DNAI4: variants seen among roughly 807,000 people sequenced by gnomAD.
The protein encoded by DNAI4 is dynein axonemal intermediate chain 4.
In DNAI4, 85 loss-of-function variants were observed where a neutral mutation model predicts 105.8. The observed-to-expected ratio is 0.80, with a 90% CI of 0.67 to 0.96. DNAI4 has a LOEUF of 0.96. Among genes scored for constraint, DNAI4 ranks in the 40% least tolerant of loss-of-function variants. The pLI is 0.00. For synonymous variants in DNAI4, 352 were observed against 331.5 expected (o/e 1.06, Z -0.67); for missense variants, 1,014 against 1,005.6 (o/e 1.01, Z -0.11).
At chr1:66,879,084 G>C (rs1647014737) in intron 4 of DNAI4, among the ~76,000 whole-genome samples, 1 of 152,104 alleles carries the variant, frequency 6.6e-6, no homozygotes, top group South Asian at 2.1e-4. Flanking sequence ...AATATTCTTT[G>C]GGTTTTAGTA....
chr1:66,912,191 A>G (rs1649706574), intron 1 of DNAI4, among the ~76,000 whole-genome samples: 1 of 152,172 alleles, frequency 6.6e-6, no homozygotes, highest in African/African-American at 2.4e-5. Flanking sequence ...CAGAAACTCA[A>G]AAGAATGAAG....
At chr1:66,921,497 T>C (rs1313055347) in intron 1 of DNAI4, 2 of 152,222 alleles carry the variant, frequency 1.3e-5, no homozygotes, top group African/African-American at 4.8e-5. Context: ...ACATGGCTAC[T>C]GCAAAAAGTG....
chr1:66,892,950 G>GA (rs1553227435), intron 3 of DNAI4, among the ~76,000 whole-genome samples: 12 of 91,972 alleles, frequency 1.3e-4, no homozygotes, highest in African/African-American at 3.4e-4. Flanking sequence ...AGAAGAAAGA[G>GA]AAGAAAGAAA....
intron 4 of DNAI4, among the ~76,000 whole-genome samples, chr1:66,877,878 G>A (rs1471913422): frequency 6.6e-6 from 1 of 152,170 alleles, no homozygotes; most frequent in African/African-American, 2.4e-5. Flanking sequence ...TTTCTGGGAG[G>A]AAGACTACAG....
chr1:66,822,660 G>A, intron 15 of DNAI4, 143 bp from the exon 16 acceptor site: 1 of 647,398 alleles, frequency 1.5e-6, no homozygotes, highest in Non-Finnish European at 2.4e-6. Context: ...CAAAATAACT[G>A]CTCCTCACTC....
chr1:66,837,733 A>C lies in DNAI4; in HGVS notation c.1558T>G (p.Cys520Gly), dbSNP rs1557910664. 1 of 1,610,362 alleles carries C rather than the reference A, an allele frequency of 6.2e-7. No homozygotes were observed. The highest frequency in any genetic ancestry group is 2.2e-5 in the East Asian group (1 of 44,648). ...ACCATGGGATTCTTTATTGACCAGCAGCAAGCCAGTCCTCTTTTTTGCTCT... is the reference window on the plus strand; with the variant it reads ...ACCATGGGATTCTTTATTGACCAGCCGCAAGCCAGTCCTCTTTTTTGCTCT... ...FKEQKRGLAC[C>G]WSIKNPMWPE... is the part of the protein sequence containing the mutation. The change falls in exon 10 of 17, where the codon TGC becomes GGC. Residue 520 changes from cysteine to glycine, a missense_variant. Cys to Gly is a radical substitution (Grantham distance 159). Coordinates refer to ENST00000371026, the MANE Select transcript of DNAI4 (RefSeq NM_024763.5).
chr1:66,813,956 G>A lies in DNAI4; in HGVS notation c.*174C>T, dbSNP rs1000567332. The A allele has an allele frequency of 4.3e-5, 23 of 535,564 alleles. No homozygotes were observed. The highest frequency in any genetic ancestry group is 5.0e-4 in the Middle Eastern group (1 of 2,006). 33.2% of individuals were successfully genotyped at this position (535,564 alleles called of 1,614,324 possible). A position where few individuals can be genotyped will look rare whatever the true frequency, so the allele number is the denominator to read the frequency against. On this transcript the variant is annotated 3_prime_UTR_variant, in exon 17 of 17. Coordinates refer to ENST00000371026, the MANE Select transcript of DNAI4 (RefSeq NM_024763.5). ...AACTCTTAAGAATAACTCTTAGATT[G>A]TAAACTAATCAAATATCTCTGAAAT... is the stretch of plus-strand genomic sequence containing the variant.
chr1:66,862,696 A>C (rs572919753), intron 6 of DNAI4, among the ~76,000 whole-genome samples: 90 of 152,352 alleles, frequency 5.9e-4, no homozygotes, highest in African/African-American at 2.2e-3. Context: ...CTTAGTCATC[A>C]CACTATTAGT....
rs912948413 is a variant in DNAI4 at position 66,890,852 on chromosome 1, G to T, written c.643+302C>A. ...GGAAGAGGAAGAAAAGGAAGAGGAAGAAGAAGAGGAAGAGGAAGAAGAAGA... is the reference window on the plus strand; with the variant it reads ...GGAAGAGGAAGAAAAGGAAGAGGAATAAGAAGAGGAAGAGGAAGAAGAAGA... On this transcript the variant is annotated intron_variant, in intron 4 of 16. Transcript: ENST00000371026. This position sits in a 1 kb window ranked among gnomAD's most constrained non-coding sequence, Gnocchi z 4.1. 21 of 402,326 alleles carry T rather than the reference G, an allele frequency of 5.2e-5. No individual in the cohort carries two copies. In the Admixed American group the frequency reaches 7.2e-4, roughly 14 times the overall value. The allele number at this position is 402,326 out of a possible 1,614,324, so 24.9% of individuals were successfully genotyped here. A position where few individuals can be genotyped will look rare whatever the true frequency, so the allele number is the denominator to read the frequency against.
At chr1:66,843,635 T>C (rs1428153413) in intron 8 of DNAI4, among the ~76,000 whole-genome samples, 1 of 152,214 alleles carries the variant, frequency 6.6e-6, no homozygotes, top group African/African-American at 2.4e-5. Flanking sequence ...GTGTTTCTCC[T>C]ATGTTATCTT....
intron 6 of DNAI4, among the ~76,000 whole-genome samples, chr1:66,870,025 C>A (rs925658415): frequency 6.6e-6 from 1 of 152,166 alleles, no homozygotes; most frequent in African/African-American, 2.4e-5. Flanking sequence ...ATGCTCTCAC[C>A]AATAAGATGT....
intron 13 of DNAI4, among the ~76,000 whole-genome samples, chr1:66,832,101 C>T (rs1164045753): frequency 1.3e-5 from 2 of 152,316 alleles, no homozygotes; most frequent in South Asian, 2.1e-4. Flanking sequence ...TATCTCCAAT[C>T]ATTGCCAAAT....
At chr1:66,862,435 T>C in intron 6 of DNAI4, 133 bp from the exon 7 acceptor site, 1 of 929,792 alleles carries the variant, frequency 1.1e-6, no homozygotes, top group South Asian at 1.7e-5. Context: ...CCGTGCCAGC[T>C]ACTTGGTCCA....
In DNAI4 at chr1:66,875,796, T is replaced by TA. The variant is rs924863467; in HGVS notation, c.644-860dup. On this transcript the variant is annotated intron_variant, in intron 4 of 16. Transcript: ENST00000371026. ...TGAGAAAAACACCTTCCTTATAATC[T>TA]AAAAAAAAACAAGTTATTAATTCCA... is the stretch of plus-strand genomic sequence containing the variant. Among the ~76,000 whole-genome samples the TA allele has an allele frequency of 4.2e-4, 64 of 150,780 alleles. No individual in the cohort carries two copies. In the South Asian group the frequency reaches 0.011, roughly 25 times the overall value.
At chr1:66,897,670 C>T (rs1648444782) in intron 2 of DNAI4, among the ~76,000 whole-genome samples, 1 of 152,196 alleles carries the variant, frequency 6.6e-6, no homozygotes, top group Non-Finnish European at 1.5e-5. Context: ...GCCACCCCAG[C>T]TGTGGCACAA....
chr1:66,886,792 C>T (rs566249438), intron 4 of DNAI4, among the ~76,000 whole-genome samples: 28 of 152,236 alleles, frequency 1.8e-4, no homozygotes, highest in Admixed American at 1.6e-3. Flanking sequence ...GCCCCTACTC[C>T]CTTCCCTGGC....
intron 2 of DNAI4, 128 bp from the exon 3 acceptor site, chr1:66,893,541 A>C: frequency 1.8e-6 from 1 of 541,196 alleles, no homozygotes; most frequent in Non-Finnish European, 2.9e-6. Context: ...TAGGATAAAC[A>C]TGAAAAATTG....
chr1:66,848,946 G>A (rs530501249), intron 7 of DNAI4, among the ~76,000 whole-genome samples: 1 of 152,190 alleles, frequency 6.6e-6, no homozygotes, highest in Admixed American at 6.5e-5. Context: ...GCTGTAACAA[G>A]GTGTCCCAAA....
intron 9 of DNAI4, among the ~76,000 whole-genome samples, 171 bp downstream of exon 9, chr1:66,840,298 C>CA (rs1299410813): frequency 6.6e-6 from 1 of 152,172 alleles, no homozygotes; most frequent in Admixed American, 6.5e-5. Flanking sequence ...TAACTATTTG[C>CA]ATTTCCCCCT....
Sources: gnomAD v4.1 joint callset for allele counts (sites outside exome capture counted in the v4.1 genomes callset) on GRCh38, gnomAD v4.1.1 for gene constraint, Gnocchi (gnomAD v3.1) non-coding constraint, MANE v1.5 for transcripts, NCBI Gene and HGNC (gene_info 2026-07-23, HGNC 2026-07-21) for gene names.